The following KHDRBS2 variants were observed in gnomAD, a reference collection of about 807,000 sequenced individuals.
KHDRBS2 encodes KH domain-containing, RNA-binding, signal transduction-associated protein 2.
A neutral mutation model predicts 44.3 loss-of-function variants in KHDRBS2; 26 were observed. That is an observed-to-expected ratio of 0.59 (90% CI 0.43 to 0.81). The LOEUF (loss-of-function observed/expected upper bound fraction) is 0.81, where lower values mean the gene tolerates loss of function less well. KHDRBS2 is among the 40% of genes least tolerant of loss of function. The pLI, the probability that KHDRBS2 is intolerant of heterozygous loss-of-function variation, is 0.00. For missense variants in KHDRBS2, 476 were observed against 433.1 expected (o/e 1.10, Z -0.88); for synonymous variants, 194 against 151.1 (o/e 1.28, Z -2.08).
intron 1 of KHDRBS2, among the ~76,000 whole-genome samples, chr6:62,282,068 A>C (rs1217527376): frequency 6.6e-6 from 1 of 152,196 alleles, no homozygotes; most frequent in Non-Finnish European, 1.5e-5. Flanking sequence ...TTTAACCAGA[A>C]GCTGTTTTAG....
At chr6:61,696,354 C>T (rs1767904098) in intron 8 of KHDRBS2, among the ~76,000 whole-genome samples, 1 of 152,028 alleles carries the variant, frequency 6.6e-6, no homozygotes, top group African/African-American at 2.4e-5. Flanking sequence ...CTCCCTGGTT[C>T]AAGCTATTCT....
chr6:61,615,274 A>G, the KHDRBS2 span, among the ~76,000 whole-genome samples: 1 of 151,502 alleles, frequency 6.6e-6, no homozygotes, highest in Non-Finnish European at 1.5e-5. Context: ...AAAAAAAACA[A>G]GAAGAAGAAA....
the KHDRBS2 span, among the ~76,000 whole-genome samples, chr6:61,651,734 C>A: frequency 6.6e-6 from 1 of 152,056 alleles, no homozygotes; most frequent in African/African-American, 2.4e-5. Flanking sequence ...ATACTTACTC[C>A]TGTAATTATG....
rs544467305 is a variant in KHDRBS2 at position 62,110,688 on chromosome 6, G to A, written c.220-62694C>T. Among the ~76,000 whole-genome samples, 36 of 152,080 alleles carry A rather than the reference G, an allele frequency of 2.4e-4. No individual in the cohort carries two copies. The South Asian group carries it at 2.9e-3, about 12-fold the overall frequency. On this transcript the variant is annotated intron_variant, in intron 2 of 8. Coordinates refer to ENST00000281156, the MANE Select transcript of KHDRBS2 (RefSeq NM_152688.4). ...AAATTTATGTATAGTACTGAAAAGC[G>A]AAACAGTGTCCTGGGGACTAGGTCA...
At chr6:61,724,888 A>G (rs1773303966) in intron 7 of KHDRBS2, among the ~76,000 whole-genome samples, 1 of 152,178 alleles carries the variant, frequency 6.6e-6, no homozygotes, top group African/African-American at 2.4e-5. Context: ...CACTGACAAT[A>G]TTAGACAGAT....
the KHDRBS2 span, among the ~76,000 whole-genome samples, chr6:61,638,612 C>T: frequency 1.3e-5 from 2 of 152,106 alleles, no homozygotes; most frequent in African/African-American, 4.8e-5. Context: ...GACTTCATGT[C>T]TAAAACACCA....
chr6:62,142,471 T>C (rs1373118382), intron 2 of KHDRBS2, among the ~76,000 whole-genome samples: 1 of 152,070 alleles, frequency 6.6e-6, no homozygotes, highest in Non-Finnish European at 1.5e-5. Context: ...CTTCTAAGTA[T>C]CAAACCACTG....
intron 6 of KHDRBS2, among the ~76,000 whole-genome samples, chr6:61,775,226 G>T (rs988974716): frequency 5.9e-5 from 9 of 151,826 alleles, no homozygotes; most frequent in East Asian, 3.9e-4. Flanking sequence ...CTTTGAAAAT[G>T]GGCACAAGAC....
intron 2 of KHDRBS2, among the ~76,000 whole-genome samples, chr6:62,169,159 G>GTATGTGTGTATATA (rs1491102372): frequency 1.2e-4 from 6 of 50,240 alleles, no homozygotes; most frequent in Non-Finnish European, 2.6e-4. Context: ...GTATATATAC[G>GTATGTGTGTATATA]TACACATATA....
chr6:61,630,654 C>CA, the KHDRBS2 span, among the ~76,000 whole-genome samples: 2 of 152,036 alleles, frequency 1.3e-5, no homozygotes, highest in East Asian at 3.9e-4. Flanking sequence ...GAATAGCTAC[C>CA]AAAAAAGTGA....
chr6:62,018,173 T>A (rs1454006076), intron 3 of KHDRBS2, among the ~76,000 whole-genome samples: 1 of 150,374 alleles, frequency 6.7e-6, no homozygotes, highest in Admixed American at 6.6e-5. Flanking sequence ...GACGGAGTCT[T>A]GCTCCGTCTC....
the KHDRBS2 span, among the ~76,000 whole-genome samples, chr6:61,582,671 T>A: frequency 2.7e-5 from 4 of 146,388 alleles, no homozygotes; most frequent in Admixed American, 1.4e-4. Context: ...ATCTTCATAT[T>A]CCTTATGGTA....
the KHDRBS2 span, among the ~76,000 whole-genome samples, chr6:61,637,950 T>C: frequency 2.0e-5 from 3 of 152,092 alleles, no homozygotes; most frequent in South Asian, 4.2e-4. Flanking sequence ...TTCAGATGAG[T>C]AGGTTGCGAA....
intron 2 of KHDRBS2, among the ~76,000 whole-genome samples, chr6:62,069,552 TATG>T (rs1381983787): frequency 6.6e-6 from 1 of 151,794 alleles, no homozygotes; most frequent in East Asian, 1.9e-4. Flanking sequence ...ATTCAAGGTT[TATG>T]ATACTACATT....
At chr6:61,622,730 G>A in the KHDRBS2 span, among the ~76,000 whole-genome samples, 21 of 152,180 alleles carry the variant, frequency 1.4e-4, no homozygotes, top group African/African-American at 4.1e-4. Context: ...TGTAAGACCC[G>A]AAAACCAAAC....
chr6:61,947,287 T>C (rs1484169435), intron 4 of KHDRBS2, among the ~76,000 whole-genome samples: 2 of 152,084 alleles, frequency 1.3e-5, no homozygotes, highest in African/African-American at 2.4e-5. Context: ...CTCTAAATAA[T>C]AATTTGGAAA....
At chr6:62,173,878 AC>A (rs1168107089) in intron 2 of KHDRBS2, among the ~76,000 whole-genome samples, 4 of 152,014 alleles carry the variant, frequency 2.6e-5, no homozygotes, top group African/African-American at 9.7e-5. Context: ...CATGTTAAAA[AC>A]CCTGAACAGA....
chr6:61,674,642 T>C, the KHDRBS2 span, among the ~76,000 whole-genome samples: 1 of 151,768 alleles, frequency 6.6e-6, no homozygotes. Context: ...ATAAATCATG[T>C]AATCAACTTT....
At chr6:61,654,585 G>T in the KHDRBS2 span, among the ~76,000 whole-genome samples, 1 of 151,336 alleles carries the variant, frequency 6.6e-6, no homozygotes, top group African/African-American at 2.4e-5. Context: ...GGACTATAAT[G>T]CAGGGGCTTA....
Sources: allele counts gnomAD v4.1 joint callset (sites outside exome capture counted in the v4.1 genomes callset), GRCh38; gene constraint gnomAD v4.1.1; transcripts MANE v1.5; gene names NCBI Gene and HGNC (gene_info 2026-07-23, HGNC 2026-07-21).